The following MYH13 variants were observed in gnomAD, a reference collection of about 807,000 sequenced individuals.
The protein encoded by MYH13 is myosin heavy chain 13.
A neutral mutation model predicts 232.1 loss-of-function variants in MYH13; 177 were observed. That is an observed-to-expected ratio of 0.76 (90% confidence interval 0.67 to 0.86). MYH13 has a LOEUF of 0.86. Ranked by LOEUF, MYH13 falls within the 40% of genes least tolerant of loss-of-function variation. MYH13 has a pLI of 0.00. For synonymous variants in MYH13, 884 were observed against 923.5 expected, an observed-to-expected ratio of 0.96 and a Z score of 0.78; for missense variants, 2,246 against 2,405.9, an observed-to-expected ratio of 0.93 and a Z score of 1.39.
intron 19 of MYH13, 63 bp downstream of exon 19, chr17:10,333,011 T>A (rs1907461527): frequency 3.1e-6 from 4 of 1,311,096 alleles, no homozygotes; most frequent in Admixed American, 2.0e-5. Context: ...TCAAGAAATG[T>A]CTTAGGGAAA....
At chr17:10,318,569 T>G (rs1329502650) in intron 27 of MYH13, among the ~76,000 whole-genome samples, 1 of 152,186 alleles carries the variant, frequency 6.6e-6, no homozygotes, top group Non-Finnish European at 1.5e-5. Context: ...AAATTTCTGT[T>G]GTTTATAAAT....
At chr17:10,356,535 G>A (rs1276642561) in intron 8 of MYH13, among the ~76,000 whole-genome samples, 2 of 152,152 alleles carry the variant, frequency 1.3e-5, no homozygotes, top group African/African-American at 4.8e-5. Context: ...TGTAACATGT[G>A]CCCAGATCTT....
chr17:10,312,246 T>C (rs1259483556), intron 31 of MYH13, among the ~76,000 whole-genome samples, 170 bp from the exon 32 acceptor site: 1 of 152,184 alleles, frequency 6.6e-6, no homozygotes, highest in Non-Finnish European at 1.5e-5. Flanking sequence ...GTGATATCCC[T>C]GCAGACCCTC....
Position 10,330,371 on chromosome 17 carries a change from T to C in MYH13, c.2435+16A>G. 2 of 1,612,946 alleles carry C rather than the reference T, an allele frequency of 1.2e-6. No homozygotes were observed. The highest frequency in any genetic ancestry group is 1.7e-6 in the Non-Finnish European group (2 of 1,179,500). ...CAGAGAGGGCAGGATAAGGTGGAGG[T>C]GAGGGTCTGTGTCACCTCCTCTCCA... On this transcript the variant is annotated intron_variant, in intron 21 of 40. Transcript: ENST00000252172.
intron 16 of MYH13, among the ~76,000 whole-genome samples, chr17:10,342,845 C>T (rs930980181): frequency 4.6e-5 from 7 of 151,886 alleles, no homozygotes; most frequent in African/African-American, 1.7e-4. Flanking sequence ...AATCCCAGCA[C>T]TTTGGGAGGT....
At chr17:10,344,654 A>G (rs1265230256) in intron 15 of MYH13, among the ~76,000 whole-genome samples, 2 of 151,288 alleles carry the variant, frequency 1.3e-5, no homozygotes, top group Non-Finnish European at 2.9e-5. Context: ...CGTCTCTACA[A>G]AAAAAAGAAA....
chr17:10,357,564 C>T (rs1280597060), intron 8 of MYH13, among the ~76,000 whole-genome samples, 171 bp downstream of exon 8: 1 of 152,170 alleles, frequency 6.6e-6, no homozygotes, highest in Non-Finnish European at 1.5e-5. Flanking sequence ...ACCAAGCCAA[C>T]ACCTTCCTCA....
intron 13 of MYH13, among the ~76,000 whole-genome samples, chr17:10,346,356 G>A (rs1021716363): frequency 2.0e-5 from 3 of 152,138 alleles, no homozygotes; most frequent in Non-Finnish European, 4.4e-5. Flanking sequence ...GTGGCCACGG[G>A]CAAGAGAGGT....
intron 11 of MYH13, 76 bp from the exon 12 acceptor site, chr17:10,350,770 A>G (rs780248610): frequency 1.3e-6 from 2 of 1,577,434 alleles, no homozygotes; most frequent in South Asian, 1.1e-5. Flanking sequence ...CAAAGACCTT[A>G]CCTCTTTTTT....
rs750652343 is a variant in MYH13, at chr17:10,344,155, G to A, written c.1585-46C>T. 11 of 1,591,296 alleles carry A rather than the reference G, an allele frequency of 6.9e-6. No homozygotes were observed. In the Admixed American group the frequency reaches 1.8e-4, roughly 26 times the overall value. Reference sequence around the variant, plus strand: ...TCTACATATAATAGTGCATACCCATGCTTCATGGTCTGGAGAAGCCAAAAA... The same window carrying A: ...TCTACATATAATAGTGCATACCCATACTTCATGGTCTGGAGAAGCCAAAAA... On this transcript the variant is annotated intron_variant, in intron 15 of 40. Transcript: ENST00000252172.
chr17:10,332,703 G>A (rs1907451460), intron 19 of MYH13, among the ~76,000 whole-genome samples: 1 of 152,172 alleles, frequency 6.6e-6, no homozygotes, highest in Non-Finnish European at 1.5e-5. Flanking sequence ...GATTGTCACA[G>A]CTCAGTGGGG....
At chr17:10,359,829 A>T in intron 7 of MYH13, 131 bp downstream of exon 7, 2 of 760,924 alleles carry the variant, frequency 2.6e-6, no homozygotes, top group Non-Finnish European at 4.4e-6. Context: ...GTGAGGATAC[A>T]GAGAGGAAAG....
At chr17:10,311,332 A>G in intron 32 of MYH13, 105 bp from the exon 33 acceptor site, 1 of 1,411,656 alleles carries the variant, frequency 7.1e-7, no homozygotes, top group Non-Finnish European at 9.6e-7. Flanking sequence ...TGACATTTAT[A>G]CAGGAGAGAA....
At chr17:10,360,600 C>A (rs2071784205) in intron 5 of MYH13, among the ~76,000 whole-genome samples, 2 of 152,148 alleles carry the variant, frequency 1.3e-5, no homozygotes, top group Admixed American at 1.3e-4. Flanking sequence ...TTTACCTTTA[C>A]CTTCTACTTG....
intron 23 of MYH13, among the ~76,000 whole-genome samples, chr17:10,323,817 GA>G (rs1491134811): frequency 1.4e-5 from 2 of 141,268 alleles, no homozygotes; most frequent in African/African-American, 5.3e-5. Flanking sequence ...AGAAGAAGAA[GA>G]AGAAGAAGAA....
At chr17:10,349,231 T>G (rs1232163908) in intron 12 of MYH13, among the ~76,000 whole-genome samples, 1 of 152,046 alleles carries the variant, frequency 6.6e-6, no homozygotes, top group Admixed American at 6.6e-5. Context: ...GTCTCCCGAG[T>G]AGCTGGGAAT....
intron 29 of MYH13, among the ~76,000 whole-genome samples, chr17:10,314,705 C>T (rs769876775): frequency 5.3e-5 from 8 of 152,180 alleles, no homozygotes; most frequent in Non-Finnish European, 1.0e-4. Flanking sequence ...ACAGCAACCT[C>T]GGAATTCCAT....
In MYH13 at chr17:10,314,561, T is replaced by A. The variant is rs191794981; in HGVS notation, c.3984+1132A>T. The stretch of plus-strand genomic sequence containing the variant: ...GCTTGGGTTCTCACCACTTCCCCTT[T>A]CCCCTCATCTACCAAAGATCTTTAC... On this transcript the variant is annotated intron_variant, in intron 29 of 40. Transcript: ENST00000252172. 3.3e-5 allele frequency among the ~76,000 whole-genome samples: 5 copies of A among 152,274 alleles called. No individual in the cohort carries two copies. The East Asian group carries it at 9.6e-4, about 29-fold the overall frequency.
intron 2 of MYH13, among the ~76,000 whole-genome samples, chr17:10,369,344 T>G (rs113448032): frequency 3.3e-5 from 5 of 152,326 alleles, no homozygotes; most frequent in African/African-American, 9.6e-5. Context: ...TCAGTGTTTG[T>G]CAAACTTAAA....
Sources: gnomAD v4.1 joint callset for allele counts (sites outside exome capture counted in the v4.1 genomes callset) on GRCh38, gnomAD v4.1.1 for gene constraint, MANE v1.5 for transcripts, NCBI Gene and HGNC (gene_info 2026-07-23, HGNC 2026-07-21) for gene names.